GBP1: variants seen among roughly 807,000 people sequenced by gnomAD.
GBP1 encodes the protein guanylate binding protein 1.
A neutral mutation model predicts 69.5 loss-of-function variants in GBP1; 64 were observed. The ratio of observed to expected loss-of-function variants is 0.92; its 90% CI spans 0.75 to 1.13. GBP1 has a LOEUF of 1.13. Ranked by LOEUF, GBP1 falls within the 50% of genes most tolerant of loss-of-function variation. GBP1 has a pLI of 0.00. For synonymous variants in GBP1, 250 were observed against 261.2 expected (o/e 0.96, Z 0.41); for missense variants, 630 against 704.1 (o/e 0.89, Z 1.19).
At position 89,060,410 on chromosome 1, in the gene GBP1, A is replaced by AAG; in HGVS notation, c.191-88_191-87dup. The AAG allele has an allele frequency of 1.3e-5, 16 of 1,240,880 alleles. No homozygotes were observed. In the South Asian group the frequency reaches 3.3e-4, roughly 25 times the overall value. The allele number at this position is 1,240,880 out of a possible 1,614,324, so 76.9% of individuals were successfully genotyped here. A position where few individuals can be genotyped will look rare whatever the true frequency, so the allele number is the denominator to read the frequency against. ...AGGAAAAAGTAGTATATTTAAGGTTAAGAGAGAGAACTGAAACAACAATCA... is the reference window on the plus strand; with the variant it reads ...AGGAAAAAGTAGTATATTTAAGGTTAAGAGAGAGAGAACTGAAACAACAATCA... On this transcript the variant is annotated intron_variant, in intron 2 of 10. Coordinates refer to ENST00000370473, the MANE Select transcript of GBP1 (RefSeq NM_002053.3).
chr1:89,058,756 G>A, intron 5 of GBP1, 85 bp downstream of exon 5: 3 of 1,455,078 alleles, frequency 2.1e-6, no homozygotes, highest in Non-Finnish European at 2.9e-6. Flanking sequence ...AACTGCAAAT[G>A]CTGGAAAACT....
In GBP1 at chr1:89,052,464, A is replaced by G. The variant is rs533810720; in HGVS notation, c.*891T>C. ...TCAAAAATGTCAAAAAAAATCCCAT[A>G]TTCTCTTCTGGGGAAACTCAGAAAG... On this transcript the variant is annotated 3_prime_UTR_variant, in exon 11 of 11. Coordinates refer to ENST00000370473, the MANE Select transcript of GBP1 (RefSeq NM_002053.3). 1 of 152,334 alleles carries G rather than the reference A, an allele frequency of 6.6e-6. No individual in the cohort carries two copies. Among genetic ancestry groups the G allele is most frequent in the African/African-American group, 2.4e-5 (1 of 41,580 alleles). 9.4% of individuals were successfully genotyped at this position (152,334 alleles called of 1,614,324 possible).
At chr1:89,059,536 CTTTT>C (rs34279176) in intron 3 of GBP1, 110 bp from the exon 4 acceptor site, 1,137 of 594,244 alleles carry the variant, frequency 1.9e-3, no homozygotes, top group Middle Eastern at 2.7e-3. Flanking sequence ...TTTTTCTTTT[CTTTT>C]TTTTTTTTTT....
At chr1:89,056,275 T>C in intron 7 of GBP1, 47 bp from the exon 8 acceptor site, 1 of 1,613,334 alleles carries the variant, frequency 6.2e-7, no homozygotes, top group Non-Finnish European at 8.5e-7. Flanking sequence ...GGAAAGGATG[T>C]TAGCTTGACC....
In GBP1 at chr1:89,058,840, C is replaced by T; in HGVS notation, c.631+1G>A. On this transcript the variant is annotated splice_donor_variant, in intron 5 of 10. Coordinates refer to ENST00000370473, the MANE Select transcript of GBP1 (RefSeq NM_002053.3). LOFTEE classifies it high-confidence loss of function. ...ATTTATCAGTTGAAGCTCTCTGTTA[C>T]CTTTCTTCAGCTTCAGGGAGTATGT... The T allele has an allele frequency of 6.2e-7, 1 of 1,613,878 alleles. No homozygotes were observed. The highest frequency in any genetic ancestry group is 8.5e-7 in the Non-Finnish European group (1 of 1,179,756).
At chr1:89,056,810 A>C in intron 7 of GBP1, 44 bp downstream of exon 7, 1 of 1,574,080 alleles carries the variant, frequency 6.4e-7, no homozygotes, top group Non-Finnish European at 8.6e-7. Flanking sequence ...GTGGTACTTT[A>C]GCTTCTATGA....
Position 89,056,983 on chromosome 1 carries a change from C to G in GBP1, c.1026G>C (p.Lys342Asn), listed in dbSNP as rs1028339586. 6.2e-7 allele frequency: 1 copy of G among 1,614,228 alleles called. No individual in the cohort carries two copies. Among genetic ancestry groups the G allele is most frequent in the South Asian group, 1.1e-5 (1 of 91,086 alleles). ...GGAGGGTTTCTGTGGGCAGCTGCAC[C>G]TTCTGGCCCATCTGCTGTTCATAGT... is the stretch of plus-strand genomic sequence containing the variant. ...IAHYEQQMGQ[K>N]VQLPTETLQE... Residue 342 changes from lysine (K) to asparagine (N), a missense_variant, in exon 7 of 11, where the codon AAG (lysine) becomes AAC (asparagine). Physicochemically the swap from Lys to Asn is moderately conservative, Grantham distance 94. Coordinates refer to ENST00000370473, the MANE Select transcript of GBP1 (RefSeq NM_002053.3).
rs775465377 is a variant in GBP1, at chr1:89,063,086, C to T, written c.149G>A (p.Gly50Asp). 37 of 1,613,912 alleles carry T rather than the reference C, an allele frequency of 2.3e-5. No homozygotes were observed. The highest frequency in any genetic ancestry group is 3.1e-5 in the Non-Finnish European group (36 of 1,179,960). Reference protein sequence around the residue: ...VVAIVGLYRTGKSYLMNKLAG... With the variant: ...VVAIVGLYRTDKSYLMNKLAG... ...CAGCTTGTTCATCAGGTAGGATTTG[C>T]CTGTGCGGTAGAGGCCCACAATTGC... Residue 50 changes from glycine to aspartate, a missense_variant, in exon 2 of 11, where the codon GGC becomes GAC. By Grantham distance (94) the Gly-to-Asp change is moderately conservative. Around this residue, in one of 5 missense-constraint regions of GBP1, gnomAD observed 131 missense variants for 138.5 expected, o/e 0.95. Transcript: ENST00000370473.
intron 8 of GBP1, 87 bp downstream of exon 8, chr1:89,055,929 A>G: frequency 1.3e-6 from 2 of 1,488,574 alleles, no homozygotes; most frequent in South Asian, 2.3e-5. Flanking sequence ...AAAAAAGCAC[A>G]TCTGTATGCA....
At position 89,056,962 on chromosome 1, in the gene GBP1, G is replaced by C. The variant is rs1680064206; in HGVS notation, c.1047C>G (p.Thr349=). ...MGQKVQLPTE[T]LQELLDLHRD... is the part of the protein sequence containing the mutation. ...TGTGCAGGTCCAGCAGCTCCTGGAG[G>C]GTTTCTGTGGGCAGCTGCACCTTCT... The change falls in exon 7 of 11, where the codon ACC becomes ACG. Residue 349 remains threonine (T), a synonymous_variant. Coordinates refer to ENST00000370473, the MANE Select transcript of GBP1 (RefSeq NM_002053.3). 2 of 1,614,084 alleles carry C rather than the reference G, an allele frequency of 1.2e-6. No homozygotes were observed. Among genetic ancestry groups the C allele is most frequent in the African/African-American group, 2.7e-5 (2 of 74,924 alleles).
intron 10 of GBP1, among the ~76,000 whole-genome samples, 175 bp from the exon 11 acceptor site, chr1:89,053,643 A>C (rs1679973463): frequency 6.6e-6 from 1 of 152,194 alleles, no homozygotes; most frequent in South Asian, 2.1e-4. Context: ...TTACCCTATT[A>C]TGTATATGAC....
At chr1:89,060,165 G>C in intron 3 of GBP1, 32 bp downstream of exon 3, 1 of 1,566,822 alleles carries the variant, frequency 6.4e-7, no homozygotes, top group Non-Finnish European at 8.6e-7. Context: ...GAGAGGAGGG[G>C]CTTACTCCAC....
intron 7 of GBP1, 138 bp from the exon 8 acceptor site, chr1:89,056,366 C>G: frequency 7.0e-7 from 1 of 1,425,832 alleles, no homozygotes; most frequent in South Asian, 1.3e-5. Flanking sequence ...GGACCACACT[C>G]TTCCTTCTGA....
Position 89,056,839 on chromosome 1 carries a change from T to C in GBP1, c.1155+15A>G. ...TCTATGACCCTAAACCGTATACATT[T>C]GAGACAAAAATTACCGCTAACTCCT... On this transcript the variant is annotated intron_variant, in intron 7 of 10. Coordinates refer to ENST00000370473, the MANE Select transcript of GBP1 (RefSeq NM_002053.3). The C allele has an allele frequency of 6.2e-7, 1 of 1,612,726 alleles. No individual in the cohort carries two copies. The highest frequency in any genetic ancestry group is 8.5e-7 in the Non-Finnish European group (1 of 1,178,946).
chr1:89,064,234 T>TGAGA (rs1680276793), intron 1 of GBP1, among the ~76,000 whole-genome samples: 1 of 116,538 alleles, frequency 8.6e-6, no homozygotes, highest in African/African-American at 3.2e-5. Context: ...TGTGTGTGTG[T>TGAGA]GTGTGTGAGA....
At chr1:89,061,852 T>C (rs1680207647) in intron 2 of GBP1, among the ~76,000 whole-genome samples, 2 of 152,074 alleles carry the variant, frequency 1.3e-5, no homozygotes, top group Non-Finnish European at 2.9e-5. Flanking sequence ...TGGACTTGAA[T>C]AGACATTCTC....
Position 89,056,151 on chromosome 1 carries a change from A to G in GBP1, c.1233T>C (p.Leu411=), listed in dbSNP as rs1680038281. Residue 411 remains leucine, a synonymous_variant, in exon 8 of 11, where the codon CTT becomes CTC. Transcript: ENST00000370473. The part of the protein sequence containing the change: ...EASSDRCSAL[L]QVIFSPLEEE... ...CTTCTAGAGGACTGAAAATGACCTG[A>G]AGTAAAGCTGAGCAACGATCTGATG... 1 of 1,613,996 alleles carries G rather than the reference A, an allele frequency of 6.2e-7. No individual in the cohort carries two copies. The highest frequency in any genetic ancestry group is 2.2e-5 in the East Asian group (1 of 44,888).
chr1:89,058,309 T>G, intron 5 of GBP1, 75 bp from the exon 6 acceptor site: 1 of 1,308,420 alleles, frequency 7.6e-7, no homozygotes. Context: ...GTAAATATTT[T>G]AGGCTCTTCA....
chr1:89,057,687 T>C (rs543921932), intron 6 of GBP1, among the ~76,000 whole-genome samples: 1 of 152,364 alleles, frequency 6.6e-6, no homozygotes, highest in East Asian at 1.9e-4. Context: ...AATTGACTTT[T>C]AAATTTTCCC....
Sources: allele counts gnomAD v4.1 joint callset (sites outside exome capture counted in the v4.1 genomes callset), GRCh38; gene constraint gnomAD v4.1.1; regional missense constraint gnomAD v4.1.1; transcripts MANE v1.5; gene names NCBI Gene and HGNC (gene_info 2026-07-23, HGNC 2026-07-21).